TAFA1: variants seen among roughly 807,000 people sequenced by gnomAD.
TAFA1 encodes the protein chemokine-like protein TAFA-1.
Under a neutral mutation model 18.5 loss-of-function variants are expected in TAFA1, and 4 were observed. That is an observed-to-expected ratio of 0.22 (90% confidence interval 0.11 to 0.49). TAFA1 has a LOEUF of 0.49. TAFA1 is among the 20% of genes least tolerant of loss of function. The probability of loss-of-function intolerance (pLI) is 0.98; values close to 1 mark genes in which losing one functional copy is unlikely to be tolerated. For missense variants in TAFA1, 147 were observed against 169.0 expected (o/e 0.87, Z 0.72); for synonymous variants, 56 against 55.2 (o/e 1.01, Z -0.06).
chr3:68,444,591 A>G (rs571122485), intron 3 of TAFA1, among the ~76,000 whole-genome samples: 31 of 152,024 alleles, frequency 2.0e-4, no homozygotes, highest in Admixed American at 1.1e-3. Flanking sequence ...TGGGTATTCT[A>G]TATGCATGTA....
At chr3:68,383,543 G>T (rs1163940376) in intron 2 of TAFA1, among the ~76,000 whole-genome samples, 2 of 152,084 alleles carry the variant, frequency 1.3e-5, no homozygotes, top group African/African-American at 2.4e-5. Context: ...ACTTGATCGG[G>T]TGGAGAAGCT....
intron 2 of TAFA1, among the ~76,000 whole-genome samples, chr3:68,143,331 T>C (rs2065693523): frequency 6.6e-6 from 1 of 152,156 alleles, no homozygotes; most frequent in Non-Finnish European, 1.5e-5. Flanking sequence ...GGGTACTACA[T>C]TGGCTTATGA....
intron 2 of TAFA1, among the ~76,000 whole-genome samples, chr3:68,385,530 A>T (rs770245206): frequency 6.6e-6 from 1 of 152,080 alleles, no homozygotes; most frequent in Non-Finnish European, 1.5e-5. Flanking sequence ...TTTTAAAAGG[A>T]TACACTATTC....
intron 3 of TAFA1, among the ~76,000 whole-genome samples, chr3:68,418,560 T>C (rs887693555): frequency 5.9e-5 from 9 of 152,012 alleles, no homozygotes; most frequent in Non-Finnish European, 1.2e-4. Flanking sequence ...TTTGTGATTC[T>C]TCAGTTACTT....
At chr3:68,280,617 T>G (rs2067880830) in intron 2 of TAFA1, among the ~76,000 whole-genome samples, 1 of 140,562 alleles carries the variant, frequency 7.1e-6, no homozygotes, top group Non-Finnish European at 1.5e-5. Context: ...TGGACTTTTG[T>G]TTTTTTTTTC....
chr3:68,069,902 A>G lies in TAFA1; in HGVS notation c.118+63158A>G, dbSNP rs182113565. Among the ~76,000 whole-genome samples, 341 of 152,304 alleles carry G rather than the reference A, an allele frequency of 2.2e-3. 1 individual carries two copies. Among genetic ancestry groups the G allele is most frequent in the Non-Finnish European group, 3.5e-3 (236 of 68,016 alleles). ...ACACTGATGCAAGAGGTGGGTTCCC[A>G]TGGTCTTGGGCAGCTCCACCTCTGT... On this transcript the variant is annotated intron_variant, in intron 2 of 4. Coordinates refer to ENST00000478136, the MANE Select transcript of TAFA1 (RefSeq NM_213609.4).
the TAFA1 span, among the ~76,000 whole-genome samples, chr3:67,991,652 G>C: frequency 6.6e-6 from 1 of 152,214 alleles, no homozygotes; most frequent in Admixed American, 6.5e-5. Flanking sequence ...GCAACCTGCT[G>C]GGTTCTTAGG....
intron 2 of TAFA1, among the ~76,000 whole-genome samples, chr3:68,294,215 G>A (rs1230406066): frequency 1.3e-5 from 2 of 151,980 alleles, no homozygotes; most frequent in African/African-American, 2.4e-5. Context: ...GTGTAATTCC[G>A]AACAACACTG....
intron 2 of TAFA1, among the ~76,000 whole-genome samples, chr3:68,092,304 C>A (rs1384740807): frequency 6.6e-6 from 1 of 151,822 alleles, no homozygotes; most frequent in Non-Finnish European, 1.5e-5. Flanking sequence ...TAAAACCTGA[C>A]AAAATGTAAA....
intron 2 of TAFA1, among the ~76,000 whole-genome samples, chr3:68,367,297 C>T (rs2069594035): frequency 1.3e-5 from 2 of 152,298 alleles, no homozygotes; most frequent in South Asian, 4.1e-4. Flanking sequence ...TCAGTAATCT[C>T]AACCTGTTTA....
intron 2 of TAFA1, among the ~76,000 whole-genome samples, chr3:68,262,183 C>T (rs2067439102): frequency 6.6e-6 from 1 of 150,482 alleles, no homozygotes; most frequent in South Asian, 2.1e-4. Context: ...AGATAATCCT[C>T]TCAGTTTGTA....
At chr3:68,362,702 C>G (rs533734534) in intron 2 of TAFA1, among the ~76,000 whole-genome samples, 1 of 151,972 alleles carries the variant, frequency 6.6e-6, no homozygotes, top group African/African-American at 2.4e-5. Context: ...GAAGGGGCTA[C>G]GTAACAGCAA....
intron 3 of TAFA1, among the ~76,000 whole-genome samples, chr3:68,528,389 C>CT (rs1403973068): frequency 6.6e-6 from 1 of 152,162 alleles, no homozygotes; most frequent in African/African-American, 2.4e-5. Flanking sequence ...AGTTTAGAGT[C>CT]TTAGTCAATA....
intron 2 of TAFA1, among the ~76,000 whole-genome samples, chr3:68,239,298 A>G (rs1336787247): frequency 8.5e-5 from 13 of 152,182 alleles, no homozygotes; most frequent in Admixed American, 8.5e-4. Context: ...TTCATGTTAC[A>G]AAGTTTATCA....
chr3:68,386,223 A>T (rs1459444291), intron 2 of TAFA1, among the ~76,000 whole-genome samples: 1 of 152,162 alleles, frequency 6.6e-6, no homozygotes, highest in African/African-American at 2.4e-5. Flanking sequence ...GGAAACAAAG[A>T]CTCAGATTTA....
At chr3:68,402,074 G>T (rs1456085085) in intron 2 of TAFA1, among the ~76,000 whole-genome samples, 1 of 152,086 alleles carries the variant, frequency 6.6e-6, no homozygotes, top group Non-Finnish European at 1.5e-5. Flanking sequence ...CAAGAATTTA[G>T]CCAGCCTGCT....
chr3:68,307,464 T>G (rs2068441186), intron 2 of TAFA1, among the ~76,000 whole-genome samples: 1 of 152,206 alleles, frequency 6.6e-6, no homozygotes, highest in African/African-American at 2.4e-5. Context: ...CATCTGATAT[T>G]TGGATCAGTA....
At chr3:68,310,837 G>C (rs563045693) in intron 2 of TAFA1, among the ~76,000 whole-genome samples, 7 of 152,010 alleles carry the variant, frequency 4.6e-5, no homozygotes, top group Non-Finnish European at 8.8e-5. Context: ...TTAAAATATT[G>C]CTTCATTTTT....
chr3:68,106,834 A>T (rs1003349451), intron 2 of TAFA1, among the ~76,000 whole-genome samples: 1 of 152,146 alleles, frequency 6.6e-6, no homozygotes, highest in Non-Finnish European at 1.5e-5. Context: ...AGTGTTCAAC[A>T]TCATTAGTCA....
Sources: allele counts gnomAD v4.1 joint callset (sites outside exome capture counted in the v4.1 genomes callset), GRCh38; gene constraint gnomAD v4.1.1; transcripts MANE v1.5; gene names NCBI Gene and HGNC (gene_info 2026-07-23, HGNC 2026-07-21).